Variants in DAP observed in about 807,000 individuals in gnomAD.
DAP encodes death-associated protein 1.
DAP carries 8 observed loss-of-function variants against 13.8 expected under a neutral mutation model. That is an observed-to-expected ratio of 0.58 (90% CI 0.34 to 1.05). The LOEUF is 1.05. Ranked by LOEUF, DAP falls within the 50% of genes least tolerant of loss-of-function variation. DAP has a pLI of 0.03. For missense variants in DAP, 106 were observed against 133.2 expected (o/e 0.80, Z 1.01); for synonymous variants, 47 against 47.5 (o/e 0.99, Z 0.04).
chr5:10,751,930 G>A (rs1259102256), intron 1 of DAP, among the ~76,000 whole-genome samples: 6 of 152,208 alleles, frequency 3.9e-5, no homozygotes, highest in Non-Finnish European at 5.9e-5. Flanking sequence ...ATTTTGTTAA[G>A]GCAGGCCAAA....
chr5:10,733,121 G>T (rs983121322), intron 2 of DAP, among the ~76,000 whole-genome samples: 2 of 150,886 alleles, frequency 1.3e-5, no homozygotes, highest in Non-Finnish European at 2.9e-5. Context: ...CATATGACAG[G>T]ATTTCCCCTT....
chr5:10,757,944 A>C (rs750016475), intron 1 of DAP, among the ~76,000 whole-genome samples: 1 of 152,114 alleles, frequency 6.6e-6, no homozygotes, highest in Non-Finnish European at 1.5e-5. Context: ...GGCGAAGGTT[A>C]GTGCACGAAG....
intron 2 of DAP, among the ~76,000 whole-genome samples, chr5:10,714,864 TC>T (rs968359640): frequency 6.6e-6 from 1 of 152,084 alleles, no homozygotes; most frequent in Non-Finnish European, 1.5e-5. Context: ...AGACGCCTGC[TC>T]CCCCTTTGCC....
At chr5:10,730,040 T>C (rs1739395299) in intron 2 of DAP, among the ~76,000 whole-genome samples, 2 of 152,210 alleles carry the variant, frequency 1.3e-5, no homozygotes, top group Admixed American at 1.3e-4. Flanking sequence ...TCACAGGCGG[T>C]TTTCTCAGGA....
At chr5:10,754,971 T>G (rs1397391591) in intron 1 of DAP, among the ~76,000 whole-genome samples, 1 of 152,148 alleles carries the variant, frequency 6.6e-6, no homozygotes, top group African/African-American at 2.4e-5. Context: ...AAATGAGGGT[T>G]GTAGATGGAA....
At chr5:10,693,157 CGTAGTA>C (rs34658153) in intron 2 of DAP, among the ~76,000 whole-genome samples, 1 of 149,662 alleles carries the variant, frequency 6.7e-6, no homozygotes, top group South Asian at 2.1e-4. Context: ...CACACACGTG[CGTAGTA>C]GTAGTGAAAC....
chr5:10,734,877 C>T (rs1373733710), intron 2 of DAP, among the ~76,000 whole-genome samples: 1 of 152,112 alleles, frequency 6.6e-6, no homozygotes, highest in African/African-American at 2.4e-5. Context: ...TCTAAAGAAA[C>T]AAAATGAATT....
intron 2 of DAP, among the ~76,000 whole-genome samples, chr5:10,728,825 T>G (rs1739358538): frequency 6.6e-6 from 1 of 152,044 alleles, no homozygotes. Flanking sequence ...GGGGGAGAGA[T>G]GCGGAGAGGA....
At chr5:10,737,083 C>T (rs933439052) in intron 2 of DAP, among the ~76,000 whole-genome samples, 1 of 152,194 alleles carries the variant, frequency 6.6e-6, no homozygotes, top group Non-Finnish European at 1.5e-5. Flanking sequence ...CGGTGGCTCA[C>T]GCCTGTAATC....
intron 2 of DAP, among the ~76,000 whole-genome samples, chr5:10,726,346 A>C (rs1021780972): frequency 6.6e-6 from 1 of 152,234 alleles, no homozygotes; most frequent in Non-Finnish European, 1.5e-5. Context: ...AGAGACTGGG[A>C]TGGTGTGTGT....
intron 2 of DAP, among the ~76,000 whole-genome samples, chr5:10,730,612 G>A (rs1190178395): frequency 6.0e-4 from 79 of 131,962 alleles, no homozygotes; most frequent in African/African-American, 7.7e-4. Flanking sequence ...AGCCCGGGTC[G>A]GGGGGAATCT....
chr5:10,706,874 T>C (rs1342595586), intron 2 of DAP, among the ~76,000 whole-genome samples: 1 of 152,190 alleles, frequency 6.6e-6, no homozygotes, highest in Admixed American at 6.5e-5. Context: ...AAAAACCCGA[T>C]GCACACGGCA....
chr5:10,726,188 C>T (rs62336760), intron 2 of DAP, among the ~76,000 whole-genome samples: 13,504 of 152,300 alleles, frequency 0.089, 818 homozygotes, highest in African/African-American at 0.17. Flanking sequence ...TCTTCCGCCT[C>T]CCCTCTGGAG....
intron 2 of DAP, among the ~76,000 whole-genome samples, chr5:10,721,909 A>G (rs1739154219): frequency 6.6e-6 from 1 of 152,260 alleles, no homozygotes; most frequent in Non-Finnish European, 1.5e-5. Flanking sequence ...ATTGTGTGAC[A>G]TAAGATTTAC....
At chr5:10,721,904 G>A (rs1308504299) in intron 2 of DAP, among the ~76,000 whole-genome samples, 4 of 152,168 alleles carry the variant, frequency 2.6e-5, no homozygotes, top group African/African-American at 9.7e-5. Flanking sequence ...CCTTTATTGT[G>A]TGACATAAGA....
intron 2 of DAP, among the ~76,000 whole-genome samples, chr5:10,702,671 G>T (rs943780618): frequency 6.6e-6 from 1 of 152,144 alleles, no homozygotes; most frequent in African/African-American, 2.4e-5. Flanking sequence ...AAGAGGGATG[G>T]GGTGTTATCA....
intron 2 of DAP, among the ~76,000 whole-genome samples, chr5:10,704,473 C>T (rs1738653116): frequency 6.6e-6 from 1 of 152,080 alleles, no homozygotes; most frequent in South Asian, 2.1e-4. Flanking sequence ...GCCCAGTCTG[C>T]TGCCAAGAAA....
chr5:10,761,156 G>C lies in DAP; in HGVS notation c.-88C>G, dbSNP rs1579829189. The C allele has an allele frequency of 5.2e-6, 4 of 775,076 alleles. No individual in the cohort carries two copies. Among genetic ancestry groups the C allele is most frequent in the Non-Finnish European group, 5.1e-6 (3 of 587,846 alleles). The allele number at this position is 775,076 out of a possible 1,614,324, so 48.0% of individuals were successfully genotyped here. ...GCGAGTGAGCTCAGGTGTGAGCGCC[G>C]GGGAGCGAGCGGGCGGGAGAACGAC... is the stretch of plus-strand genomic sequence containing the variant. On this transcript the variant is annotated 5_prime_UTR_variant, in exon 1 of 4. Transcript: ENST00000230895.
At chr5:10,730,748 G>GA in intron 2 of DAP, among the ~76,000 whole-genome samples, 1 of 114,036 alleles carries the variant, frequency 8.8e-6, no homozygotes, top group East Asian at 3.2e-4. Flanking sequence ...CTGGTGGGGG[G>GA]AATCTTTCTC....
Sources: allele counts gnomAD v4.1 joint callset (sites outside exome capture counted in the v4.1 genomes callset), GRCh38; gene constraint gnomAD v4.1.1; transcripts MANE v1.5; gene names NCBI Gene and HGNC (gene_info 2026-07-23, HGNC 2026-07-21).